Variants in SCFD2 observed in about 807,000 individuals in gnomAD.
SCFD2 encodes sec1 family domain-containing protein 2.
In SCFD2, 54 loss-of-function variants were observed where a neutral mutation model predicts 58.9. The ratio of observed to expected loss-of-function variants is 0.92; its 90% CI spans 0.74 to 1.15. SCFD2 has a LOEUF of 1.15. Ranked by LOEUF, SCFD2 falls within the 50% of genes most tolerant of loss-of-function variation. The probability of loss-of-function intolerance (pLI) is 0.00; values close to 1 mark genes in which losing one functional copy is unlikely to be tolerated. For synonymous variants in SCFD2, 321 were observed against 335.9 expected (o/e 0.96, Z 0.49); for missense variants, 805 against 836.6 (o/e 0.96, Z 0.47).
At chr4:53,133,578 C>G (rs1015838173) in intron 5 of SCFD2, among the ~76,000 whole-genome samples, 2 of 152,148 alleles carry the variant, frequency 1.3e-5, no homozygotes, top group African/African-American at 4.8e-5. Flanking sequence ...TAGACCCAGA[C>G]TTTTCCAAAG....
chr4:52,897,124 T>A (rs1393525757), intron 7 of SCFD2, among the ~76,000 whole-genome samples: 1 of 152,216 alleles, frequency 6.6e-6, no homozygotes, highest in African/African-American at 2.4e-5. Context: ...TGACTTCCTC[T>A]TTTCCTAATT....
intron 5 of SCFD2, among the ~76,000 whole-genome samples, chr4:53,055,099 C>G (rs1391024731): frequency 6.6e-6 from 1 of 152,150 alleles, no homozygotes; most frequent in East Asian, 1.9e-4. Flanking sequence ...ATTGTGGTAC[C>G]TAACATTTAC....
At chr4:52,907,386 GT>G in intron 7 of SCFD2, 70 bp downstream of exon 7, 1 of 1,476,762 alleles carries the variant, frequency 6.8e-7, no homozygotes, top group Non-Finnish European at 9.5e-7. Context: ...GGTTAACAGG[GT>G]GCCAGCATTT....
intron 4 of SCFD2, among the ~76,000 whole-genome samples, chr4:53,184,450 G>A (rs1021543784): frequency 1.3e-5 from 2 of 152,120 alleles, no homozygotes; most frequent in Admixed American, 6.6e-5. Flanking sequence ...AATGGATATA[G>A]TATAGACAGC....
intron 5 of SCFD2, among the ~76,000 whole-genome samples, chr4:53,114,264 A>G (rs1015993256): frequency 6.6e-6 from 1 of 152,164 alleles, no homozygotes; most frequent in Non-Finnish European, 1.5e-5. Flanking sequence ...TACACATAGT[A>G]TTAACATAAA....
chr4:53,214,417 AT>A (rs1376534425), intron 4 of SCFD2, among the ~76,000 whole-genome samples: 11 of 151,916 alleles, frequency 7.2e-5, no homozygotes, highest in Non-Finnish European at 1.3e-4. Context: ...GATGATGAGC[AT>A]TTTTTTCATG....
chr4:53,128,435 G>T (rs1008603835), intron 5 of SCFD2, among the ~76,000 whole-genome samples: 2 of 152,142 alleles, frequency 1.3e-5, no homozygotes, highest in Non-Finnish European at 2.9e-5. Context: ...CATCTCAAAT[G>T]ATGTCATTTG....
intron 5 of SCFD2, among the ~76,000 whole-genome samples, chr4:53,081,297 A>G (rs544566343): frequency 1.3e-5 from 2 of 152,216 alleles, no homozygotes; most frequent in African/African-American, 4.8e-5. Flanking sequence ...GTATGTGTAC[A>G]GGTTTGTTGC....
intron 5 of SCFD2, among the ~76,000 whole-genome samples, chr4:52,932,550 A>G (rs751111149): frequency 2.0e-5 from 3 of 151,932 alleles, no homozygotes; most frequent in Non-Finnish European, 4.4e-5. Flanking sequence ...CTTTTTTTTC[A>G]TATTTTTGGG....
intron 1 of SCFD2, among the ~76,000 whole-genome samples, chr4:53,359,317 A>G (rs1337466210): frequency 3.3e-5 from 5 of 152,252 alleles, no homozygotes; most frequent in Non-Finnish European, 1.5e-5. Flanking sequence ...GCATCTAATA[A>G]CATAAATTAA....
intron 3 of SCFD2, among the ~76,000 whole-genome samples, chr4:53,304,589 A>G (rs992108415): frequency 1.3e-5 from 2 of 151,322 alleles, no homozygotes; most frequent in Non-Finnish European, 2.9e-5. Flanking sequence ...TCAATCTCTG[A>G]TATCCTTTCT....
chr4:53,311,178 C>T (rs1732678085), intron 3 of SCFD2, among the ~76,000 whole-genome samples: 2 of 152,124 alleles, frequency 1.3e-5, no homozygotes, highest in South Asian at 4.1e-4. Flanking sequence ...AATGGGCAGC[C>T]ATACTGTGTT....
intron 4 of SCFD2, among the ~76,000 whole-genome samples, chr4:53,243,768 C>T (rs977236452): frequency 1.3e-5 from 2 of 151,732 alleles, no homozygotes; most frequent in Non-Finnish European, 2.9e-5. Context: ...TGTGATGACA[C>T]CCATAGGCAC....
chr4:53,203,863 C>T (rs1238176962), intron 4 of SCFD2, among the ~76,000 whole-genome samples: 2 of 152,122 alleles, frequency 1.3e-5, no homozygotes, highest in African/African-American at 4.8e-5. Context: ...ATCCAGATCA[C>T]TCAGCAGGAG....
chr4:52,977,205 A>T (rs2109560808), intron 5 of SCFD2, among the ~76,000 whole-genome samples: 1 of 152,278 alleles, frequency 6.6e-6, no homozygotes, highest in Non-Finnish European at 1.5e-5. Context: ...ATAACTGATG[A>T]TTTTTATAAG....
At chr4:53,057,162 T>C (rs939467934) in intron 5 of SCFD2, among the ~76,000 whole-genome samples, 2 of 152,078 alleles carry the variant, frequency 1.3e-5, no homozygotes, top group African/African-American at 4.8e-5. Flanking sequence ...GCAGCCTGGG[T>C]ATATACCCAA....
intron 5 of SCFD2, among the ~76,000 whole-genome samples, chr4:53,080,628 T>G (rs1481221946): frequency 6.6e-6 from 1 of 151,978 alleles, no homozygotes; most frequent in East Asian, 1.9e-4. Context: ...CAAAAAGAAG[T>G]AAAGAAAGGC....
At chr4:53,325,699 T>C (rs1015733753) in intron 2 of SCFD2, among the ~76,000 whole-genome samples, 14 of 152,212 alleles carry the variant, frequency 9.2e-5, no homozygotes, top group African/African-American at 3.1e-4. Flanking sequence ...TATTTTTATC[T>C]CCTTTGAGTC....
intron 5 of SCFD2, among the ~76,000 whole-genome samples, chr4:53,059,948 C>T (rs141180355): frequency 1.3e-5 from 2 of 152,210 alleles, no homozygotes; most frequent in African/African-American, 4.8e-5. Flanking sequence ...GTTCTTCCTT[C>T]CTTTTTAATG....
Sources: allele counts gnomAD v4.1 joint callset (sites outside exome capture counted in the v4.1 genomes callset), GRCh38; gene constraint gnomAD v4.1.1; transcripts MANE v1.5; gene names NCBI Gene and HGNC (gene_info 2026-07-23, HGNC 2026-07-21).